Variants in PCNX2 observed in about 807,000 individuals in gnomAD.
PCNX2 encodes pecanex 2.
In PCNX2, 168 loss-of-function variants were observed where a neutral mutation model predicts 223.8. The ratio of observed to expected loss-of-function variants is 0.75; its 90% confidence interval spans 0.66 to 0.85. The LOEUF (loss-of-function observed/expected upper bound fraction) is 0.85. Among genes scored for constraint, PCNX2 ranks in the 40% least tolerant of loss-of-function variants. The pLI, the probability that PCNX2 is intolerant of heterozygous loss-of-function variation, is 0.00. For synonymous variants in PCNX2, 1,006 were observed against 1,052.6 expected (o/e 0.96, Z 0.86); for missense variants, 2,507 against 2,675.5 (o/e 0.94, Z 1.39).
intron 23 of PCNX2, 166 bp from the exon 24 acceptor site, chr1:233,057,456 G>A (rs1224447748): frequency 3.3e-6 from 2 of 614,504 alleles, no homozygotes; most frequent in Non-Finnish European, 5.9e-6. Context: ...GGAGTCTCAT[G>A]ATAAGAGATA....
intron 15 of PCNX2, among the ~76,000 whole-genome samples, chr1:233,183,491 A>G (rs1209959693): frequency 6.6e-6 from 1 of 152,230 alleles, no homozygotes; most frequent in Non-Finnish European, 1.5e-5. Flanking sequence ...TCAAATGTGG[A>G]TCAGGCAGTG....
intron 21 of PCNX2, among the ~76,000 whole-genome samples, chr1:233,127,557 T>C (rs1676175027): frequency 6.6e-6 from 1 of 152,214 alleles, no homozygotes; most frequent in East Asian, 1.9e-4. Context: ...TCTTTACTTG[T>C]CTGCCTCTTT....
chr1:233,280,589 T>G (rs1163480354), intron 1 of PCNX2, among the ~76,000 whole-genome samples: 1 of 152,200 alleles, frequency 6.6e-6, no homozygotes, highest in Admixed American at 6.5e-5. Flanking sequence ...TGAGCCACCG[T>G]GCCTGGTCCT....
At chr1:233,101,826 C>T (rs1437037736) in intron 21 of PCNX2, among the ~76,000 whole-genome samples, 1 of 152,066 alleles carries the variant, frequency 6.6e-6, no homozygotes, top group Non-Finnish European at 1.5e-5. Flanking sequence ...GGTTCCATGT[C>T]CATAAAGAGC....
chr1:233,016,274 G>T (rs1056423407), intron 27 of PCNX2, among the ~76,000 whole-genome samples: 1 of 152,152 alleles, frequency 6.6e-6, no homozygotes, highest in Non-Finnish European at 1.5e-5. Flanking sequence ...TTTCTAACTT[G>T]TACCCACATT....
chr1:233,141,184 G>A (rs1677089087), intron 19 of PCNX2, among the ~76,000 whole-genome samples: 1 of 152,176 alleles, frequency 6.6e-6, no homozygotes. Context: ...TCTTATCCAA[G>A]ATTAGCATAC....
chr1:233,145,052 T>C (rs1245637264), intron 19 of PCNX2, among the ~76,000 whole-genome samples: 1 of 150,964 alleles, frequency 6.6e-6, no homozygotes, highest in Admixed American at 6.6e-5. Context: ...GCAAGCTCCG[T>C]CTCCCGGGTT....
At chr1:233,217,054 G>T in intron 12 of PCNX2, among the ~76,000 whole-genome samples, 1 of 152,180 alleles carries the variant, frequency 6.6e-6, no homozygotes, top group Non-Finnish European at 1.5e-5. Flanking sequence ...GTTACCAGGA[G>T]GCAGTGGGAT....
At chr1:233,198,083 T>C (rs949360204) in intron 15 of PCNX2, among the ~76,000 whole-genome samples, 1 of 150,778 alleles carries the variant, frequency 6.6e-6, no homozygotes, top group Non-Finnish European at 1.5e-5. Context: ...CAAACAGTAG[T>C]GGTCTCCCCA....
intron 1 of PCNX2, among the ~76,000 whole-genome samples, chr1:233,263,452 A>AT (rs67108893): frequency 0.028 from 3,536 of 126,714 alleles, 76 homozygotes; most frequent in Non-Finnish European, 0.036. Flanking sequence ...AAACCTCTCC[A>AT]TTTTTTTTTT....
At chr1:233,033,938 G>A (rs1351432504) in intron 25 of PCNX2, among the ~76,000 whole-genome samples, 1 of 152,196 alleles carries the variant, frequency 6.6e-6, no homozygotes, top group Non-Finnish European at 1.5e-5. Context: ...GGCTGGCTGG[G>A]CGCAGTGGCT....
intron 17 of PCNX2, among the ~76,000 whole-genome samples, chr1:233,166,444 C>T (rs1356980045): frequency 1.6e-5 from 2 of 128,060 alleles, no homozygotes; most frequent in Non-Finnish European, 3.2e-5. Context: ...AAGACACTTA[C>T]AAAAAGGCAA....
intron 26 of PCNX2, chr1:233,019,205 G>C (rs937450938): frequency 2.0e-6 from 2 of 985,292 alleles, no homozygotes; most frequent in African/African-American, 3.5e-5. Flanking sequence ...ACTTTGGGGA[G>C]GTTCCTCTGT....
chr1:232,998,535 C>G, intron 31 of PCNX2, 97 bp from the exon 32 acceptor site: 1 of 1,395,850 alleles, frequency 7.2e-7, no homozygotes, highest in East Asian at 2.4e-5. Context: ...GATCGAAGAG[C>G]GTGCTCTCCA....
At chr1:233,029,545 G>C (rs1172676191) in intron 25 of PCNX2, among the ~76,000 whole-genome samples, 2 of 150,930 alleles carry the variant, frequency 1.3e-5, no homozygotes. Flanking sequence ...TTAGCCTGAA[G>C]AATGCCTTTT....
intron 7 of PCNX2, among the ~76,000 whole-genome samples, chr1:233,251,538 A>G (rs34897122): frequency 0.063 from 9,550 of 152,294 alleles, 898 homozygotes; most frequent in African/African-American, 0.2. Context: ...CCTCCAACTC[A>G]AAGGTGTTTT....
At chr1:233,217,166 T>C (rs1206538519) in intron 12 of PCNX2, among the ~76,000 whole-genome samples, 1 of 152,044 alleles carries the variant, frequency 6.6e-6, no homozygotes, top group Non-Finnish European at 1.5e-5. Flanking sequence ...TAGTTAATAA[T>C]AATACACTGT....
At chr1:233,175,258 A>G (rs1679415154) in intron 17 of PCNX2, among the ~76,000 whole-genome samples, 2 of 152,346 alleles carry the variant, frequency 1.3e-5, no homozygotes, top group African/African-American at 2.4e-5. Flanking sequence ...TAATTAGGCC[A>G]GAGACTTTTC....
chr1:233,230,369 C>T (rs1174102784), intron 9 of PCNX2, among the ~76,000 whole-genome samples: 1 of 152,084 alleles, frequency 6.6e-6, no homozygotes, highest in Non-Finnish European at 1.5e-5. Context: ...GTTTCATATT[C>T]ATCACTTTTA....
Sources: allele counts gnomAD v4.1 joint callset (sites outside exome capture counted in the v4.1 genomes callset), GRCh38; gene constraint gnomAD v4.1.1; transcripts MANE v1.5; gene names NCBI Gene and HGNC (gene_info 2026-07-23, HGNC 2026-07-21).